The following LINGO2 variants were observed in gnomAD, a reference collection of about 807,000 sequenced individuals.
LINGO2 encodes leucine-rich repeat and immunoglobulin-like domain-containing nogo receptor-interacting protein 2.
Under a neutral mutation model 30.6 loss-of-function variants are expected in LINGO2, and 14 were observed. The ratio of observed to expected loss-of-function variants is 0.46; its 90% CI spans 0.30 to 0.72. The LOEUF (loss-of-function observed/expected upper bound fraction) is 0.72, where lower values mean the gene tolerates loss of function less well. LINGO2 is among the 30% of genes least tolerant of loss of function. LINGO2 has a pLI of 0.07. For missense variants in LINGO2, 729 were observed against 751.7 expected (o/e 0.97, Z 0.35); for synonymous variants, 317 against 288.5 (o/e 1.10, Z -1.00).
At chr9:28,367,118 C>CTT (rs10660000) in intron 3 of LINGO2, among the ~76,000 whole-genome samples, 49,462 of 150,050 alleles carry the variant, frequency 0.33, 8,314 homozygotes, top group South Asian at 0.47. Context: ...AAAGTCAGCA[C>CTT]ATATTATTAT....
chr9:28,304,843 A>G (rs979091669), intron 3 of LINGO2, among the ~76,000 whole-genome samples: 2 of 152,078 alleles, frequency 1.3e-5, no homozygotes, highest in African/African-American at 4.8e-5. Context: ...CAAAAAATAA[A>G]GCATGAAAAA....
intron 2 of LINGO2, among the ~76,000 whole-genome samples, chr9:28,447,494 T>G (rs1454140907): frequency 6.6e-6 from 1 of 152,194 alleles, no homozygotes; most frequent in Non-Finnish European, 1.5e-5. Context: ...TTGCTGCTTA[T>G]AAGCCACACA....
the LINGO2 span, among the ~76,000 whole-genome samples, chr9:29,052,048 C>A: frequency 7.9e-5 from 12 of 152,012 alleles, no homozygotes; most frequent in African/African-American, 2.9e-4. Flanking sequence ...AAACCTCAAC[C>A]CACAAAATGG....
At chr9:28,830,892 GCACA>G in the LINGO2 span, among the ~76,000 whole-genome samples, 2 of 151,418 alleles carry the variant, frequency 1.3e-5, no homozygotes, top group East Asian at 1.9e-4. Context: ...GCGCACGCAC[GCACA>G]CACACAAACA....
At chr9:28,565,860 G>T (rs72713596) in intron 1 of LINGO2, among the ~76,000 whole-genome samples, 1 of 151,992 alleles carries the variant, frequency 6.6e-6, no homozygotes, top group African/African-American at 2.4e-5. Context: ...AGCCCAAAAG[G>T]ATTATTTTCT....
intron 4 of LINGO2, among the ~76,000 whole-genome samples, chr9:28,075,196 T>G (rs550895162): frequency 6.6e-6 from 1 of 151,952 alleles, no homozygotes; most frequent in African/African-American, 2.4e-5. Flanking sequence ...ATTTTAAAAT[T>G]CTGTATAAGG....
At chr9:29,038,561 A>C in the LINGO2 span, among the ~76,000 whole-genome samples, 1 of 151,954 alleles carries the variant, frequency 6.6e-6, no homozygotes, top group African/African-American at 2.4e-5. Flanking sequence ...CAGTTACAGA[A>C]AAATAAAATG....
the LINGO2 span, among the ~76,000 whole-genome samples, chr9:28,798,336 T>G: frequency 6.6e-6 from 1 of 151,322 alleles, no homozygotes; most frequent in African/African-American, 2.4e-5. Context: ...CAAACTTGAG[T>G]AGGTAAAAAG....
chr9:28,574,336 G>A lies in LINGO2; in HGVS notation c.-365+95864C>T, dbSNP rs1823849693. On this transcript the variant is annotated intron_variant, in intron 1 of 5. Coordinates refer to ENST00000379992, the Ensembl canonical transcript of LINGO2. The stretch of plus-strand genomic sequence containing the variant: ...AACAGTTTTCATCAGATCCTGAAGG[G>A]AATTTGTCACCCACCCAAAGTGTTA... Among the ~76,000 whole-genome samples, 3 of 152,152 alleles carry A rather than the reference G, an allele frequency of 2.0e-5. No individual in the cohort carries two copies. The South Asian group carries it at 6.2e-4, about 32-fold the overall frequency.
chr9:27,977,066 A>T (rs1014683406), intron 5 of LINGO2, among the ~76,000 whole-genome samples: 1 of 152,020 alleles, frequency 6.6e-6, no homozygotes, highest in East Asian at 1.9e-4. Context: ...GTGGAAGCAA[A>T]CAACTGAACA....
intron 1 of LINGO2, among the ~76,000 whole-genome samples, chr9:28,635,646 G>C (rs948018285): frequency 1.3e-5 from 2 of 151,940 alleles, no homozygotes; most frequent in African/African-American, 4.8e-5. Flanking sequence ...TACTAAATAA[G>C]GTTTAATTTG....
In LINGO2 at chr9:28,431,606, A is replaced by G. The variant is rs113549235; in HGVS notation, c.-279+44334T>C. On this transcript the variant is annotated intron_variant, in intron 2 of 5. Transcript: ENST00000379992. Reference sequence around the variant, plus strand: ...ATTTGTGATTCAATAACTCATGTATAAGTCTGGAAAGAATCACTAAAGTTA... The same window carrying G: ...ATTTGTGATTCAATAACTCATGTATGAGTCTGGAAAGAATCACTAAAGTTA... Among the ~76,000 whole-genome samples the G allele has an allele frequency of 1.5e-3, 226 of 152,310 alleles. 2 individuals are homozygous for G. The highest frequency in any genetic ancestry group is 5.1e-3 in the African/African-American group (212 of 41,564).
At chr9:28,632,055 G>A (rs1826967109) in intron 1 of LINGO2, among the ~76,000 whole-genome samples, 1 of 152,126 alleles carries the variant, frequency 6.6e-6, no homozygotes, top group Non-Finnish European at 1.5e-5. Flanking sequence ...AGGAGGGAGT[G>A]CAGAAAATGG....
chr9:28,166,109 C>G (rs185659215), intron 4 of LINGO2, among the ~76,000 whole-genome samples: 1 of 152,312 alleles, frequency 6.6e-6, no homozygotes, highest in East Asian at 1.9e-4. Context: ...CATTATATAT[C>G]TGCCAATAAC....
At chr9:29,194,618 A>T in the LINGO2 span, among the ~76,000 whole-genome samples, 1 of 152,182 alleles carries the variant, frequency 6.6e-6, no homozygotes, top group Non-Finnish European at 1.5e-5. Context: ...ATAAAGGTCA[A>T]ATATTCCGAA....
the LINGO2 span, among the ~76,000 whole-genome samples, chr9:28,777,835 CA>C: frequency 6.6e-6 from 1 of 152,204 alleles, no homozygotes; most frequent in Non-Finnish European, 1.5e-5. Context: ...GGGACTTCCA[CA>C]AATAAGACAG....
At chr9:28,349,826 G>A (rs1382956228) in intron 3 of LINGO2, among the ~76,000 whole-genome samples, 5 of 152,070 alleles carry the variant, frequency 3.3e-5, no homozygotes, top group Non-Finnish European at 7.3e-5. Flanking sequence ...CAAGCCAGAA[G>A]AGACTGGGGG....
intron 1 of LINGO2, among the ~76,000 whole-genome samples, chr9:28,496,030 T>C (rs1312981802): frequency 6.6e-6 from 1 of 151,922 alleles, no homozygotes; most frequent in Non-Finnish European, 1.5e-5. Flanking sequence ...AGAGACAGTT[T>C]GTTATAATTT....
intron 3 of LINGO2, among the ~76,000 whole-genome samples, chr9:28,353,386 A>G (rs1322816163): frequency 4.0e-5 from 6 of 150,924 alleles, no homozygotes; most frequent in Non-Finnish European, 8.9e-5. Context: ...TATGCAGCCA[A>G]AAAACACATG....
Sources: gnomAD v4.1 joint callset for allele counts (sites outside exome capture counted in the v4.1 genomes callset) on GRCh38, gnomAD v4.1.1 for gene constraint, MANE v1.5 for transcripts, NCBI Gene and HGNC (gene_info 2026-07-23, HGNC 2026-07-21) for gene names.